The following TMTC2 variants were observed in gnomAD, a reference collection of about 807,000 sequenced individuals.
TMTC2 encodes transmembrane O-mannosyltransferase targeting cadherins 2.
Under a neutral mutation model 82.4 loss-of-function variants are expected in TMTC2, and 43 were observed. The ratio of observed to expected loss-of-function variants is 0.52; its 90% CI spans 0.41 to 0.67. The LOEUF (loss-of-function observed/expected upper bound fraction) is 0.67, where lower values mean the gene tolerates loss of function less well. Among genes scored for constraint, TMTC2 ranks in the 30% least tolerant of loss-of-function variants. TMTC2 has a pLI of 0.00. For missense variants in TMTC2, 919 were observed against 1,012.4 expected (o/e 0.91, Z 1.25); for synonymous variants, 408 against 381.9 (o/e 1.07, Z -0.80).
At chr12:82,871,222 G>A (rs907731071) in intron 2 of TMTC2, among the ~76,000 whole-genome samples, 19 of 152,198 alleles carry the variant, frequency 1.2e-4, no homozygotes, top group Admixed American at 1.2e-3. Flanking sequence ...TAATTTGCCT[G>A]AGGATTCATA....
At chr12:82,725,163 G>A (rs965433581) in intron 1 of TMTC2, among the ~76,000 whole-genome samples, 2 of 151,894 alleles carry the variant, frequency 1.3e-5, no homozygotes, top group African/African-American at 4.8e-5. Context: ...AAAACTATCA[G>A]TAGAGAATAT....
Position 82,966,967 on chromosome 12 carries a change from T to C in TMTC2, c.1918T>C (p.Phe640Leu). 1.2e-6 allele frequency: 2 copies of C among 1,613,350 alleles called. No individual in the cohort carries two copies. The highest frequency in any genetic ancestry group is 1.7e-6 in the Non-Finnish European group (2 of 1,179,458). ...KEAIQKMPRQFAPQSLYNMMG... is the reference protein window; with the variant it reads ...KEAIQKMPRQLAPQSLYNMMG... ...AGCAATTCAGAAAATGCCAAGGCAG[T>C]TTGCCCCACAGAGCTTGTACAACAT... Residue 640 changes from phenylalanine (F) to leucine (L), a missense_variant, in exon 7 of 12, where the codon TTT (phenylalanine) becomes CTT (leucine). Physicochemically the swap from Phe to Leu is conservative, Grantham distance 22. Transcript: ENST00000321196.
chr12:82,854,824 G>C (rs1230155324), intron 1 of TMTC2, among the ~76,000 whole-genome samples: 1 of 152,052 alleles, frequency 6.6e-6, no homozygotes, highest in Non-Finnish European at 1.5e-5. Flanking sequence ...ATGGTATTTG[G>C]CACATTGTAT....
intron 11 of TMTC2, among the ~76,000 whole-genome samples, chr12:83,089,313 A>G (rs183454602): frequency 1.1e-3 from 162 of 152,334 alleles, no homozygotes; most frequent in African/African-American, 3.6e-3. Context: ...TATTTTACAC[A>G]AATTAACTTG....
intron 2 of TMTC2, among the ~76,000 whole-genome samples, chr12:82,883,448 C>T (rs938344555): frequency 1.3e-5 from 2 of 152,090 alleles, no homozygotes; most frequent in African/African-American, 4.8e-5. Context: ...CATAGAAAAA[C>T]TCCCACACTC....
At chr12:83,072,811 A>G (rs1365068401) in intron 11 of TMTC2, among the ~76,000 whole-genome samples, 1 of 152,094 alleles carries the variant, frequency 6.6e-6, no homozygotes, top group Non-Finnish European at 1.5e-5. Flanking sequence ...TGATATAAAT[A>G]TTGCTACCCC....
At chr12:83,100,194 A>G (rs1012829150) in intron 11 of TMTC2, among the ~76,000 whole-genome samples, 8 of 152,112 alleles carry the variant, frequency 5.3e-5, no homozygotes, top group Non-Finnish European at 1.0e-4. Context: ...TGCTGGGATT[A>G]TAGGTGTAAG....
At chr12:82,801,605 A>T (rs767360035) in intron 1 of TMTC2, among the ~76,000 whole-genome samples, 6 of 152,148 alleles carry the variant, frequency 3.9e-5, no homozygotes, top group Non-Finnish European at 8.8e-5. Context: ...TGAGCTAGAC[A>T]TAAAGGTTCT....
In TMTC2 at chr12:82,896,074, C is replaced by G; in HGVS notation, c.911C>G (p.Thr304Arg). ...ATGGATGCTGTGCCTCTGCTCAAAACAGTTTGTGACTGGAGAAACCTACAC... is the reference window on the plus strand; with the variant it reads ...ATGGATGCTGTGCCTCTGCTCAAAAGAGTTTGTGACTGGAGAAACCTACAC... ...WSMDAVPLLK[T>R]VCDWRNLHTV... is the part of the protein sequence containing the mutation. Residue 304 changes from threonine (T) to arginine (R), a missense_variant, in exon 3 of 12, where the codon ACA (threonine) becomes AGA (arginine). Thr to Arg is a moderately conservative substitution (Grantham distance 71). Coordinates refer to ENST00000321196, the MANE Select transcript of TMTC2 (RefSeq NM_152588.3). The G allele has an allele frequency of 1.9e-6, 3 of 1,614,034 alleles. No homozygotes were observed. Among genetic ancestry groups the G allele is most frequent in the South Asian group, 1.1e-5 (1 of 91,082 alleles).
intron 3 of TMTC2, among the ~76,000 whole-genome samples, chr12:82,929,868 T>C (rs2137242044): frequency 6.6e-6 from 1 of 152,264 alleles, no homozygotes; most frequent in African/African-American, 2.4e-5. Flanking sequence ...GAAATAGCGA[T>C]TTTCAGGGAA....
intron 1 of TMTC2, among the ~76,000 whole-genome samples, chr12:82,710,012 A>G (rs1189729485): frequency 6.6e-6 from 1 of 152,184 alleles, no homozygotes; most frequent in Non-Finnish European, 1.5e-5. Flanking sequence ...AGCCAAAGAT[A>G]TGGTGATATG....
intron 7 of TMTC2, among the ~76,000 whole-genome samples, chr12:82,977,160 G>A (rs894088998): frequency 2.0e-5 from 3 of 151,876 alleles, no homozygotes; most frequent in East Asian, 1.9e-4. Flanking sequence ...CTCGAATGGG[G>A]AAACTCAATT....
At chr12:83,106,544 A>C (rs1884406378) in intron 11 of TMTC2, among the ~76,000 whole-genome samples, 2 of 151,976 alleles carry the variant, frequency 1.3e-5, no homozygotes, top group South Asian at 4.1e-4. Context: ...CACATAAAAG[A>C]TACACACCAA....
At chr12:82,823,029 G>C (rs1005077734) in intron 1 of TMTC2, among the ~76,000 whole-genome samples, 1 of 152,190 alleles carries the variant, frequency 6.6e-6, no homozygotes, top group Admixed American at 6.5e-5. Context: ...TTAAGAGAAA[G>C]TGCTAGTATT....
intron 4 of TMTC2, among the ~76,000 whole-genome samples, chr12:82,960,792 A>T (rs12827170): frequency 0.095 from 14,096 of 147,660 alleles, 732 homozygotes; most frequent in Non-Finnish European, 0.12. Context: ...TCTAAAAAAA[A>T]TTTTAACAAA....
At chr12:82,845,556 T>G (rs1870612706) in intron 1 of TMTC2, among the ~76,000 whole-genome samples, 1 of 152,004 alleles carries the variant, frequency 6.6e-6, no homozygotes, top group Non-Finnish European at 1.5e-5. Context: ...AACAAGTTAT[T>G]TTCATTAAGC....
intron 1 of TMTC2, among the ~76,000 whole-genome samples, chr12:82,816,430 T>TG (rs965507030): frequency 4.6e-5 from 7 of 152,058 alleles, no homozygotes; most frequent in East Asian, 1.9e-4. Flanking sequence ...GTTAATTCTT[T>TG]GGGGGGCCGC....
chr12:82,996,108 G>A (rs928936787), intron 8 of TMTC2, among the ~76,000 whole-genome samples: 3 of 152,120 alleles, frequency 2.0e-5, no homozygotes, highest in African/African-American at 4.8e-5. Context: ...TGCATTTTCT[G>A]TGTATATTTT....
chr12:82,710,287 C>G (rs1254564168), intron 1 of TMTC2, among the ~76,000 whole-genome samples: 1 of 152,200 alleles, frequency 6.6e-6, no homozygotes, highest in Non-Finnish European at 1.5e-5. Flanking sequence ...TGGCTGTGCT[C>G]TAATCACAGT....
Sources: allele counts gnomAD v4.1 joint callset (sites outside exome capture counted in the v4.1 genomes callset), GRCh38; gene constraint gnomAD v4.1.1; transcripts MANE v1.5; gene names NCBI Gene and HGNC (gene_info 2026-07-23, HGNC 2026-07-21).